LIN52: variants seen among roughly 807,000 people sequenced by gnomAD.
LIN52 encodes protein lin-52 homolog.
A neutral mutation model predicts 18.5 loss-of-function variants in LIN52; 4 were observed. That is an observed-to-expected ratio of 0.22 (90% CI 0.11 to 0.49). The LOEUF (loss-of-function observed/expected upper bound fraction) is 0.49. LIN52 is among the 20% of genes least tolerant of loss of function. The pLI is 0.97. For missense variants in LIN52, 102 were observed against 139.5 expected (o/e 0.73, Z 1.35); for synonymous variants, 34 against 45.5 (o/e 0.75, Z 1.02).
intron 2 of LIN52, among the ~76,000 whole-genome samples, chr14:74,095,403 GGGACT>G (rs1193414322): frequency 6.6e-6 from 1 of 151,904 alleles, no homozygotes; most frequent in Non-Finnish European, 1.5e-5. Flanking sequence ...CCAAAGTGCT[GGGACT>G]ACAGGCATGA....
At chr14:74,159,933 G>A (rs532139145) in intron 5 of LIN52, among the ~76,000 whole-genome samples, 18 of 152,226 alleles carry the variant, frequency 1.2e-4, no homozygotes, top group Admixed American at 3.3e-4. Flanking sequence ...CTCAACTTTG[G>A]CACCATTATG....
At chr14:74,195,766 T>G (rs2078908730) in intron 5 of LIN52, among the ~76,000 whole-genome samples, 1 of 152,086 alleles carries the variant, frequency 6.6e-6, no homozygotes, top group Non-Finnish European at 1.5e-5. Flanking sequence ...TCACTAGGTT[T>G]GGGGGGGTTC....
chr14:74,117,269 T>C (rs1247289482), intron 5 of LIN52, among the ~76,000 whole-genome samples: 2 of 152,160 alleles, frequency 1.3e-5, no homozygotes, highest in African/African-American at 4.8e-5. Context: ...CAAGAGACGA[T>C]TTAGTTGGCC....
At chr14:74,135,659 A>G (rs2061093421) in intron 5 of LIN52, among the ~76,000 whole-genome samples, 1 of 152,192 alleles carries the variant, frequency 6.6e-6, no homozygotes, top group African/African-American at 2.4e-5. Context: ...TTGCAAGAAT[A>G]AGATTTGAAA....
At chr14:74,172,411 A>T (rs544337942) in intron 5 of LIN52, among the ~76,000 whole-genome samples, 12 of 152,352 alleles carry the variant, frequency 7.9e-5, no homozygotes, top group African/African-American at 2.9e-4. Context: ...ATAATAAATT[A>T]TATCTACTTA....
chr14:74,114,600 A>C (rs927960784), intron 5 of LIN52, among the ~76,000 whole-genome samples: 1 of 152,192 alleles, frequency 6.6e-6, no homozygotes, highest in Non-Finnish European at 1.5e-5. Flanking sequence ...GCTTAACAAC[A>C]ACAACAACAA....
chr14:74,198,005 A>C (rs2078925891), intron 5 of LIN52, among the ~76,000 whole-genome samples: 1 of 152,182 alleles, frequency 6.6e-6, no homozygotes. Flanking sequence ...CCCCGTGCCT[A>C]CTGCATGGTT....
chr14:74,095,010 C>T (rs1052422311), intron 2 of LIN52, among the ~76,000 whole-genome samples: 1 of 151,518 alleles, frequency 6.6e-6, no homozygotes, highest in Non-Finnish European at 1.5e-5. Flanking sequence ...GACAGAGGCT[C>T]ATCCTATCAC....
At chr14:74,111,403 C>T (rs2060926298) in intron 5 of LIN52, among the ~76,000 whole-genome samples, 2 of 151,806 alleles carry the variant, frequency 1.3e-5, no homozygotes, top group African/African-American at 4.8e-5. Context: ...ATCCTCCCAG[C>T]CCAGCCTCTC....
intron 5 of LIN52, among the ~76,000 whole-genome samples, chr14:74,134,634 T>G (rs2061087414): frequency 6.6e-6 from 1 of 150,672 alleles, no homozygotes; most frequent in South Asian, 2.3e-4. Context: ...CTGGCCCCCC[T>G]CCCCCATTTT....
chr14:74,135,072 C>T (rs577240675), intron 5 of LIN52, among the ~76,000 whole-genome samples: 1 of 151,792 alleles, frequency 6.6e-6, no homozygotes, highest in Non-Finnish European at 1.5e-5. Flanking sequence ...TTGTTGTTGT[C>T]GTTGTTGTTT....
At chr14:74,104,798 G>A (rs1331674202) in intron 5 of LIN52, among the ~76,000 whole-genome samples, 2 of 151,818 alleles carry the variant, frequency 1.3e-5, no homozygotes, top group Non-Finnish European at 2.9e-5. Context: ...AAAATCTACA[G>A]AACAAATGAC....
chr14:74,092,823 A>G (rs1406426072), intron 2 of LIN52, among the ~76,000 whole-genome samples: 1 of 151,654 alleles, frequency 6.6e-6, no homozygotes, highest in East Asian at 2.1e-4. Context: ...AGGCTAAGGC[A>G]CGAGAATTGC....
chr14:74,126,956 A>G (rs560402925), intron 5 of LIN52, among the ~76,000 whole-genome samples: 1 of 152,368 alleles, frequency 6.6e-6, no homozygotes, highest in African/African-American at 2.4e-5. Flanking sequence ...ATTATTACAT[A>G]GTGTCACCTT....
At chr14:74,115,190 A>C (rs534440628) in intron 5 of LIN52, among the ~76,000 whole-genome samples, 2 of 152,342 alleles carry the variant, frequency 1.3e-5, no homozygotes, top group South Asian at 4.1e-4. Flanking sequence ...GAAATTAGTG[A>C]TTGAGAGGGA....
chr14:74,172,347 T>C (rs2061275632), intron 5 of LIN52, among the ~76,000 whole-genome samples: 1 of 152,154 alleles, frequency 6.6e-6, no homozygotes, highest in African/African-American at 2.4e-5. Flanking sequence ...GGCGGTGTAA[T>C]CTTGACAAGT....
intron 5 of LIN52, among the ~76,000 whole-genome samples, chr14:74,169,943 G>A (rs2061263660): frequency 6.6e-6 from 1 of 152,168 alleles, no homozygotes; most frequent in Non-Finnish European, 1.5e-5. Context: ...GGGGTTTCAG[G>A]AAAAGCTTCA....
intron 5 of LIN52, among the ~76,000 whole-genome samples, chr14:74,153,463 AAAAT>A (rs1412780362): frequency 4.0e-4 from 61 of 152,324 alleles, no homozygotes; most frequent in Non-Finnish European, 5.9e-4. Flanking sequence ...TATTAGGTTA[AAAAT>A]AAATAAGTAT....
chr14:74,126,905 A>G (rs2139932013), intron 5 of LIN52, among the ~76,000 whole-genome samples: 1 of 152,380 alleles, frequency 6.6e-6, no homozygotes, highest in South Asian at 2.1e-4. Context: ...ACTAGCTAGT[A>G]TGGTGTTTGA....
Sources: gnomAD v4.1 joint callset for allele counts (sites outside exome capture counted in the v4.1 genomes callset) on GRCh38, gnomAD v4.1.1 for gene constraint, MANE v1.5 for transcripts, NCBI Gene and HGNC (gene_info 2026-07-23, HGNC 2026-07-21) for gene names.